Variants in AGBL1 observed in about 807,000 individuals in gnomAD.
The protein encoded by AGBL1 is AGBL carboxypeptidase 1.
Under a neutral mutation model 118.9 loss-of-function variants are expected in AGBL1, and 130 were observed. That is an observed-to-expected ratio of 1.09 (90% CI 0.95 to 1.26). AGBL1 has a LOEUF of 1.26. AGBL1 is among the 50% of genes most tolerant of loss of function. AGBL1 has a pLI of 0.00. For synonymous variants in AGBL1, 555 were observed against 478.9 expected (o/e 1.16, Z -2.08); for missense variants, 1,584 against 1,298.1 (o/e 1.22, Z -3.38).
At chr15:86,157,673 C>T (rs752452648) in intron 4 of AGBL1, among the ~76,000 whole-genome samples, 5 of 152,118 alleles carry the variant, frequency 3.3e-5, no homozygotes, top group African/African-American at 9.7e-5. Context: ...AAGAAGCCTG[C>T]GGATTACTAT....
chr15:86,964,499 G>C (rs1326209424), intron 23 of AGBL1, among the ~76,000 whole-genome samples: 1 of 151,928 alleles, frequency 6.6e-6, no homozygotes, highest in Non-Finnish European at 1.5e-5. Flanking sequence ...TCTATTAATA[G>C]TAGGTCCGTA....
chr15:86,257,259 G>T (rs926211056), intron 8 of AGBL1, among the ~76,000 whole-genome samples: 4 of 152,118 alleles, frequency 2.6e-5, no homozygotes, highest in Admixed American at 2.6e-4. Context: ...TGCTTTGCTT[G>T]GTAGCTATCA....
intron 16 of AGBL1, among the ~76,000 whole-genome samples, chr15:86,286,990 G>T (rs1254777392): frequency 6.6e-6 from 1 of 151,766 alleles, no homozygotes; most frequent in Non-Finnish European, 1.5e-5. Flanking sequence ...TGGTGTTCAG[G>T]GTTCCAGATC....
intron 22 of AGBL1, among the ~76,000 whole-genome samples, chr15:86,825,423 A>AAAAAAAAAAAAAAAAAAT: frequency 7.7e-6 from 1 of 129,192 alleles, no homozygotes; most frequent in Non-Finnish European, 1.7e-5. Flanking sequence ...AAAAAAAAAA[A>AAAAAAAAAAAAAAAAAAT]GGTTGCAAGC....
intron 22 of AGBL1, among the ~76,000 whole-genome samples, chr15:86,887,493 T>C (rs2079987841): frequency 6.6e-6 from 1 of 152,232 alleles, no homozygotes; most frequent in African/African-American, 2.4e-5. Context: ...TCTCAAGCCA[T>C]ATTCTGCTAT....
At chr15:86,751,871 C>T (rs937949776) in intron 22 of AGBL1, among the ~76,000 whole-genome samples, 20 of 151,932 alleles carry the variant, frequency 1.3e-4, no homozygotes, top group African/African-American at 4.8e-4. Flanking sequence ...ATGGTAAAGC[C>T]CTTTTAGGGA....
intron 21 of AGBL1, among the ~76,000 whole-genome samples, chr15:86,661,131 G>A (rs2085530652): frequency 6.6e-6 from 1 of 152,142 alleles, no homozygotes; most frequent in South Asian, 2.1e-4. Flanking sequence ...TCCTAATGCA[G>A]AGAAGCTATT....
At position 86,635,328 on chromosome 15, in the gene AGBL1, CCTCCTCCTCCTA is replaced by C. The variant is rs1317613494; in HGVS notation, c.2995-38938_2995-38927del. Among the ~76,000 whole-genome samples the C allele has an allele frequency of 2.0e-3, 118 of 58,732 alleles. 4 individuals carry two copies. The highest frequency in any genetic ancestry group is 3.2e-3 in the Non-Finnish European group (86 of 26,954). The allele number at this position is 58,732 out of a possible 152,430, so 38.5% of individuals were successfully genotyped here. ...TCCTCCTCCTCCTCCTCCTCCTCCT[CCTCCTCCTCCTA>C]CTCCTCTTACTCCTCCTCCTCCTTC... On this transcript the variant is annotated intron_variant, in intron 21 of 22. Coordinates refer to ENST00000614907, the MANE Select transcript of AGBL1 (RefSeq NM_001386094.1).
intron 24 of AGBL1, among the ~76,000 whole-genome samples, chr15:87,019,336 A>C (rs958287688): frequency 4.6e-5 from 7 of 152,046 alleles, no homozygotes; most frequent in Admixed American, 6.6e-5. Context: ...ATCACTACAC[A>C]GCACTTCCTC....
chr15:86,881,635 CTATT>C (rs1224852321), intron 22 of AGBL1, among the ~76,000 whole-genome samples: 2 of 151,934 alleles, frequency 1.3e-5, no homozygotes, highest in Admixed American at 6.6e-5. Context: ...GGGGGTAGTG[CTATT>C]TATTTATTTA....
intron 18 of AGBL1, among the ~76,000 whole-genome samples, chr15:86,432,682 C>T (rs1567255835): frequency 6.6e-6 from 1 of 152,164 alleles, no homozygotes; most frequent in African/African-American, 2.4e-5. Flanking sequence ...TATCAGGTCA[C>T]CACCAAGGAT....
chr15:87,006,548 G>C (rs1006393419), intron 24 of AGBL1, among the ~76,000 whole-genome samples: 2 of 152,144 alleles, frequency 1.3e-5, no homozygotes, highest in African/African-American at 4.8e-5. Context: ...GAAAAGTGCA[G>C]TATTAGGGTG....
intron 18 of AGBL1, among the ~76,000 whole-genome samples, chr15:86,510,244 A>G (rs888980630): frequency 6.6e-6 from 1 of 152,164 alleles, no homozygotes; most frequent in Non-Finnish European, 1.5e-5. Flanking sequence ...AAGAAAGCAT[A>G]AGAATCACCT....
intron 22 of AGBL1, among the ~76,000 whole-genome samples, chr15:86,676,842 C>A (rs1030441387): frequency 1.3e-5 from 2 of 152,060 alleles, no homozygotes; most frequent in Admixed American, 1.3e-4. Context: ...GTGGCTCATG[C>A]CTGTAATCTC....
At chr15:86,566,642 G>A (rs77197924) in intron 21 of AGBL1, among the ~76,000 whole-genome samples, 3,417 of 152,034 alleles carry the variant, frequency 0.022, 65 homozygotes, top group Middle Eastern at 0.075. Context: ...TTGGACTTGC[G>A]CAGCCCAGAT....
At chr15:86,268,618 G>C (rs2079109378) in intron 13 of AGBL1, among the ~76,000 whole-genome samples, 1 of 152,302 alleles carries the variant, frequency 6.6e-6, no homozygotes, top group East Asian at 1.9e-4. Flanking sequence ...AATTTTTTAT[G>C]ATTACTTTTT....
At chr15:86,947,323 C>T (rs963737720) in intron 23 of AGBL1, among the ~76,000 whole-genome samples, 4 of 152,158 alleles carry the variant, frequency 2.6e-5, no homozygotes, top group African/African-American at 9.7e-5. Context: ...ACCTGGCAAG[C>T]TTGTCTTATT....
chr15:86,262,718 T>C (rs552684441), intron 9 of AGBL1, 60 bp from the exon 10 acceptor site: 1 of 1,163,568 alleles, frequency 8.6e-7, no homozygotes, highest in Admixed American at 2.0e-5. Context: ...ATATCATGTC[T>C]TGATGCTTCT....
chr15:86,148,867 C>A (rs758821650), intron 3 of AGBL1, among the ~76,000 whole-genome samples: 1 of 152,146 alleles, frequency 6.6e-6, no homozygotes, highest in East Asian at 1.9e-4. Context: ...GTGTTAAGGA[C>A]AGCCAGAGAG....
Sources: allele counts gnomAD v4.1 joint callset (sites outside exome capture counted in the v4.1 genomes callset), GRCh38; gene constraint gnomAD v4.1.1; transcripts MANE v1.5; gene names NCBI Gene and HGNC (gene_info 2026-07-23, HGNC 2026-07-21).